ASPM: variants seen among roughly 807,000 people sequenced by gnomAD.
The protein encoded by ASPM is abnormal spindle-like microcephaly-associated protein.
In ASPM, 256 loss-of-function variants were observed where a neutral mutation model predicts 366.4. That is an observed-to-expected ratio of 0.70 (90% confidence interval 0.63 to 0.77). ASPM has a LOEUF of 0.77. Ranked by LOEUF, ASPM falls within the 30% of genes least tolerant of loss-of-function variation. ASPM has a pLI of 0.00. For missense variants in ASPM, 4,146 were observed against 4,090.4 expected, an observed-to-expected ratio of 1.01 and a Z score of -0.37; for synonymous variants, 1,414 against 1,342.9, an observed-to-expected ratio of 1.05 and a Z score of -1.16.
At chr1:197,128,420 C>G in intron 10 of ASPM, 70 bp downstream of exon 10, 2 of 1,434,570 alleles carry the variant, frequency 1.4e-6, no homozygotes, top group Middle Eastern at 3.6e-4. Flanking sequence ...TGAATAATTA[C>G]AAAAAAAGTG....
In ASPM at chr1:197,129,262, A is replaced by G. The variant is rs753944470; in HGVS notation, c.2685T>C (p.Cys895=). 2.5e-6 allele frequency: 4 copies of G among 1,612,810 alleles called. No individual in the cohort carries two copies. The East Asian group carries it at 8.9e-5, about 36-fold the overall frequency. ...FTLKKLLLLV[C]FLDYAKISRL... is the part of the protein sequence containing the mutation. Reference sequence around the variant, plus strand: ...TGGAAATTTTAGCATAATCAAGAAAACAGACCAACAACAATAACTTTTTCA... The same window carrying G: ...TGGAAATTTTAGCATAATCAAGAAAGCAGACCAACAACAATAACTTTTTCA... Residue 895 remains cysteine (C), a synonymous_variant, in exon 9 of 28, where the codon TGT becomes TGC. Transcript: ENST00000367409.
At chr1:197,125,693 G>T (rs1167664461) in intron 10 of ASPM, among the ~76,000 whole-genome samples, 2 of 152,022 alleles carry the variant, frequency 1.3e-5, no homozygotes, top group Admixed American at 6.5e-5. Flanking sequence ...GCAAAACTAA[G>T]ATGAGAACTA....
intron 4 of ASPM, among the ~76,000 whole-genome samples, chr1:197,137,582 G>A (rs1048476124): frequency 1.3e-5 from 2 of 152,152 alleles, no homozygotes; most frequent in African/African-American, 4.8e-5. Flanking sequence ...CTGGGTATAA[G>A]CGACTCTCCC....
intron 20 of ASPM, among the ~76,000 whole-genome samples, chr1:197,093,834 G>A (rs1002773625): frequency 6.6e-6 from 1 of 151,694 alleles, no homozygotes; most frequent in Non-Finnish European, 1.5e-5. Flanking sequence ...ACCATAAAGC[G>A]AAGTACAATA....
intron 10 of ASPM, among the ~76,000 whole-genome samples, chr1:197,128,144 A>G (rs1409592153): frequency 6.6e-6 from 1 of 151,862 alleles, no homozygotes; most frequent in Non-Finnish European, 1.5e-5. Context: ...AGACTGGGCA[A>G]CAGAGCAAGA....
At position 197,102,249 on chromosome 1, in the gene ASPM, C is replaced by T; in HGVS notation, c.7002G>A (p.Met2334Ile). 3 of 1,612,812 alleles carry T rather than the reference C, an allele frequency of 1.9e-6. No homozygotes were observed. The South Asian group carries it at 3.3e-5, about 18-fold the overall frequency. The change falls in exon 18 of 28, where the codon ATG becomes ATA. Residue 2334 changes from methionine to isoleucine, a missense_variant. By Grantham distance (10) the Met-to-Ile change is conservative. Coordinates refer to ENST00000367409, the MANE Select transcript of ASPM (RefSeq NM_018136.5). ...ACTGGATGAAAGTAGCAGCCCTGTG[C>T]ATCTCTCGCATCCTTTTCCTTATCA... is the stretch of plus-strand genomic sequence containing the variant. ...RWMIRKRMREMHRAATFIQST... is the reference protein window; with the variant it reads ...RWMIRKRMREIHRAATFIQST...
chr1:197,092,140 C>A (rs570395505), intron 21 of ASPM, 84 bp from the exon 22 acceptor site: 103 of 1,322,052 alleles, frequency 7.8e-5, no homozygotes, highest in Admixed American at 1.6e-4. Flanking sequence ...ACCTCAACAT[C>A]AAATTATATA....
chr1:197,113,114 C>A (rs1657636728), intron 17 of ASPM, among the ~76,000 whole-genome samples: 1 of 152,084 alleles, frequency 6.6e-6, no homozygotes, highest in Admixed American at 6.6e-5. Context: ...AACACAGGAA[C>A]AGAAAACCAA....
chr1:197,140,291 T>G (rs1658541472), intron 3 of ASPM, among the ~76,000 whole-genome samples: 1 of 152,198 alleles, frequency 6.6e-6, no homozygotes, highest in Admixed American at 6.5e-5. Context: ...GAAATTAAAA[T>G]TAGGCATGAG....
chr1:197,088,509 T>C, intron 25 of ASPM, 77 bp from the exon 26 acceptor site: 1 of 1,426,986 alleles, frequency 7.0e-7, no homozygotes, highest in Non-Finnish European at 9.6e-7. Flanking sequence ...AAAAACAAAA[T>C]ACAAAAGTCC....
At chr1:197,124,617 G>A (rs1167773339) in intron 12 of ASPM, among the ~76,000 whole-genome samples, 2 of 151,750 alleles carry the variant, frequency 1.3e-5, no homozygotes, top group African/African-American at 4.8e-5. Context: ...GATGTAAACT[G>A]TAGTTTCAGT....
Position 197,088,401 on chromosome 1 carries a change from A to G in ASPM, c.10016T>C (p.Val3339Ala). 1.2e-6 allele frequency: 2 copies of G among 1,608,000 alleles called. No homozygotes were observed. Among genetic ancestry groups the G allele is most frequent in the Non-Finnish European group, 8.5e-7 (1 of 1,175,560 alleles). Residue 3339 changes from valine (V) to alanine (A), a missense_variant, in exon 26 of 28, where the codon GTA (valine) becomes GCA (alanine). Physicochemically the swap from Val to Ala is moderately conservative, Grantham distance 64. Transcript: ENST00000367409. ...CAATAGTATATCTATACAATTTTCT[A>G]CATCATAAACTGCTGAAGTAGTTTT... ...YEKTTSAVYD[V>A]ENCIDILLEL...
chr1:197,098,902 A>C (rs917976231), intron 18 of ASPM, among the ~76,000 whole-genome samples: 7 of 151,726 alleles, frequency 4.6e-5, no homozygotes, highest in African/African-American at 1.7e-4. Context: ...CTGCCTTACT[A>C]GATATTTCAA....
At chr1:197,108,951 A>G (rs983465422) in intron 17 of ASPM, among the ~76,000 whole-genome samples, 2 of 146,604 alleles carry the variant, frequency 1.4e-5, no homozygotes, top group East Asian at 4.0e-4. Context: ...AGCCTGGGCG[A>G]CAGAGCAAGA....
At position 197,113,358 on chromosome 1, in the gene ASPM, A is replaced by G. The variant is rs183957897; in HGVS notation, c.4065+4431T>C. Among the ~76,000 whole-genome samples, 616 of 152,284 alleles carry G rather than the reference A, an allele frequency of 4.0e-3. 4 individuals carry two copies. The highest frequency in any genetic ancestry group is 6.7e-3 in the Non-Finnish European group (456 of 68,008). On this transcript the variant is annotated intron_variant, in intron 17 of 27. Coordinates refer to ENST00000367409, the MANE Select transcript of ASPM (RefSeq NM_018136.5). ...ATCTGCTCACATATACCCAGAATCT[A>G]AAATAGAAGTAGAAGAAACAAAAAA...
chr1:197,138,633 A>C, intron 4 of ASPM: 1 of 488,042 alleles, frequency 2.0e-6, no homozygotes. Flanking sequence ...AATATACAAT[A>C]AGCAAGCCAA....
chr1:197,109,567 A>G (rs1469665128), intron 17 of ASPM, among the ~76,000 whole-genome samples: 1 of 152,100 alleles, frequency 6.6e-6, no homozygotes, highest in African/African-American at 2.4e-5. Context: ...AAAGATATTG[A>G]ATCTTACCAC....
In ASPM at chr1:197,102,827, C is replaced by T; in HGVS notation, c.6424G>A (p.Ala2142Thr). The T allele has an allele frequency of 1.2e-6, 2 of 1,612,398 alleles. No homozygotes were observed. Among genetic ancestry groups the T allele is most frequent in the Non-Finnish European group, 1.7e-6 (2 of 1,179,208 alleles). ...CATCTTACTTGAATAACAATAGCTG[C>T]TTTTCTCATTGTATGGTAACTTATT... The part of the protein sequence containing the change: ...SRISYHTMRK[A>T]AIVIQVRCRA... The change falls in exon 18 of 28, where the codon GCA becomes ACA. Residue 2142 changes from alanine to threonine, a missense_variant. Ala to Thr is a moderately conservative substitution (Grantham distance 58). Transcript: ENST00000367409.
At chr1:197,131,589 G>C (rs982010131) in intron 7 of ASPM, among the ~76,000 whole-genome samples, 6 of 146,684 alleles carry the variant, frequency 4.1e-5, no homozygotes, top group African/African-American at 7.5e-5. Context: ...GTCTCGCTCT[G>C]TCACCCAGGC....
Sources: gnomAD v4.1 joint callset for allele counts (sites outside exome capture counted in the v4.1 genomes callset) on GRCh38, gnomAD v4.1.1 for gene constraint, MANE v1.5 for transcripts, NCBI Gene and HGNC (gene_info 2026-07-23, HGNC 2026-07-21) for gene names.